PCNX1: variants seen among roughly 807,000 people sequenced by gnomAD.
The protein encoded by PCNX1 is pecanex-like protein 1.
PCNX1 carries 78 observed loss-of-function variants against 242.2 expected under a neutral mutation model. The ratio of observed to expected loss-of-function variants is 0.32; its 90% CI spans 0.27 to 0.39. The LOEUF is 0.39. Among genes scored for constraint, PCNX1 ranks in the 10% least tolerant of loss-of-function variants. PCNX1 has a pLI of 1.00. For missense variants in PCNX1, 2,581 were observed against 2,856.5 expected, an observed-to-expected ratio of 0.90 and a Z score of 2.20; for synonymous variants, 1,024 against 1,032.9, an observed-to-expected ratio of 0.99 and a Z score of 0.17.
chr14:71,072,466 CTG>C (rs1478844960), intron 26 of PCNX1, among the ~76,000 whole-genome samples: 1 of 152,172 alleles, frequency 6.6e-6, no homozygotes, highest in Non-Finnish European at 1.5e-5. Flanking sequence ...AAAGAGCACT[CTG>C]TAGCTGTGCT....
chr14:70,933,760 G>GTT, intron 1 of PCNX1, among the ~76,000 whole-genome samples: 1 of 152,304 alleles, frequency 6.6e-6, no homozygotes, highest in East Asian at 1.9e-4. Context: ...GGCTAAATGA[G>GTT]TTAGTATACT....
chr14:71,081,793 A>C (rs1375706544), intron 28 of PCNX1, among the ~76,000 whole-genome samples: 1 of 151,784 alleles, frequency 6.6e-6, no homozygotes, highest in Non-Finnish European at 1.5e-5. Flanking sequence ...CTATTTGTTG[A>C]TCTTTTCAAA....
rs770904886 is a variant in PCNX1 at position 70,977,926 on chromosome 14, G to A, written c.1589G>A (p.Arg530His). The A allele has an allele frequency of 3.5e-5, 56 of 1,614,026 alleles. No homozygotes were observed. Among genetic ancestry groups the A allele is most frequent in the African/African-American group, 6.7e-5 (5 of 74,898 alleles). ...GCTGTTTCTGTGGATTCCAAAGTGC[G>A]TAAAGATGTTGGTGGAAAGCAAAAG... The part of the protein sequence containing the change: ...KSAVSVDSKV[R>H]KDVGGKQKEG... The change falls in exon 6 of 36, where the codon CGT becomes CAT. Residue 530 changes from arginine (R) to histidine (H), a missense_variant. Arg to His is a conservative substitution (Grantham distance 29, BLOSUM62 0). This residue lies in a region of PCNX1 where 1,204 missense variants were observed against 1,216.7 expected (regional missense o/e 0.99). Coordinates refer to ENST00000304743, the MANE Select transcript of PCNX1 (RefSeq NM_014982.3).
chr14:70,979,725 C>T (rs972290651), intron 6 of PCNX1, among the ~76,000 whole-genome samples: 1 of 151,932 alleles, frequency 6.6e-6, no homozygotes, highest in African/African-American at 2.4e-5. Flanking sequence ...TTAATTTCAC[C>T]CGAAGTATTT....
intron 2 of PCNX1, among the ~76,000 whole-genome samples, chr14:70,958,315 A>G (rs896933853): frequency 1.3e-5 from 2 of 152,252 alleles, no homozygotes; most frequent in African/African-American, 4.8e-5. Flanking sequence ...AAACAGGGAC[A>G]TTATAATTAT....
intron 5 of PCNX1, among the ~76,000 whole-genome samples, chr14:70,972,604 T>A (rs995353694): frequency 6.6e-6 from 1 of 152,176 alleles, no homozygotes; most frequent in African/African-American, 2.4e-5. Flanking sequence ...TATCGTTTGG[T>A]ACTCTTACTC....
intron 33 of PCNX1, among the ~76,000 whole-genome samples, chr14:71,107,791 A>G (rs2062664906): frequency 6.6e-6 from 1 of 152,234 alleles, no homozygotes; most frequent in Admixed American, 6.5e-5. Context: ...GAGAAATAGT[A>G]GTTATAGAGC....
chr14:71,019,277 G>C, intron 12 of PCNX1, 115 bp downstream of exon 12: 1 of 805,652 alleles, frequency 1.2e-6, no homozygotes, highest in Non-Finnish European at 1.9e-6. Flanking sequence ...TACTTTTCTT[G>C]CATGTTTACA....
chr14:71,061,312 C>G (rs2061320206), intron 26 of PCNX1, among the ~76,000 whole-genome samples: 1 of 152,130 alleles, frequency 6.6e-6, no homozygotes, highest in African/African-American at 2.4e-5. Context: ...TCTTGAATGA[C>G]CCAGCTTTTC....
Position 70,971,193 on chromosome 14 carries a change from G to A in PCNX1, c.604+2083G>A, listed in dbSNP as rs1203310833. Among the ~76,000 whole-genome samples the A allele has an allele frequency of 1.9e-4, 2 of 10,544 alleles. 1 individual carries two copies. Among genetic ancestry groups the A allele is most frequent in the African/African-American group, 7.1e-4 (2 of 2,808 alleles). The allele number at this position is 10,544 out of a possible 152,430, so 6.9% of individuals were successfully genotyped here. A position where few individuals can be genotyped will look rare whatever the true frequency, so the allele number is the denominator to read the frequency against. ...CGCTCTGTCGCCCAGGCCGGACTGC[G>A]GACTGCAGTGGCGCAATCTCGACTC... is the stretch of plus-strand genomic sequence containing the variant. On this transcript the variant is annotated intron_variant, in intron 5 of 35. Transcript: ENST00000304743.
chr14:70,909,310 G>A (rs894145975), intron 1 of PCNX1, among the ~76,000 whole-genome samples: 3 of 150,208 alleles, frequency 2.0e-5, no homozygotes, highest in Non-Finnish European at 4.4e-5. Flanking sequence ...CTTGTGGCTT[G>A]TTTTATTAGG....
chr14:70,931,089 T>C (rs1336160461), intron 1 of PCNX1, among the ~76,000 whole-genome samples: 1 of 152,206 alleles, frequency 6.6e-6, no homozygotes, highest in Admixed American at 6.5e-5. Flanking sequence ...TACTAAACCC[T>C]TCTTTCTCCC....
chr14:70,947,603 G>A (rs369644255), intron 2 of PCNX1, among the ~76,000 whole-genome samples: 286 of 152,096 alleles, frequency 1.9e-3, no homozygotes, highest in African/African-American at 6.0e-3. Context: ...TCTTAATCCC[G>A]TCTTCTTCTT....
intron 8 of PCNX1, among the ~76,000 whole-genome samples, chr14:71,006,671 A>G (rs2059677216): frequency 6.6e-6 from 1 of 152,224 alleles, no homozygotes; most frequent in African/African-American, 2.4e-5. Context: ...AGAAATAGTA[A>G]AATTGCTGTG....
chr14:70,985,291 T>A (rs2058966298), intron 6 of PCNX1, among the ~76,000 whole-genome samples: 1 of 152,242 alleles, frequency 6.6e-6, no homozygotes, highest in Non-Finnish European at 1.5e-5. Context: ...CTTGGCTCAC[T>A]GCAACCTCCG....
intron 5 of PCNX1, among the ~76,000 whole-genome samples, chr14:70,969,588 A>G (rs1199724923): frequency 6.6e-6 from 1 of 152,122 alleles, no homozygotes; most frequent in African/African-American, 2.4e-5. Flanking sequence ...GGTGCCTTGT[A>G]CTTGGGTGCT....
intron 32 of PCNX1, 71 bp downstream of exon 32, chr14:71,103,740 C>G: frequency 1.4e-6 from 2 of 1,449,094 alleles, no homozygotes; most frequent in South Asian, 2.4e-5. Context: ...GTGTGCATCA[C>G]CTGGGAAGCT....
chr14:71,074,378 C>T (rs891899168), intron 27 of PCNX1, among the ~76,000 whole-genome samples: 2 of 152,210 alleles, frequency 1.3e-5, no homozygotes, highest in African/African-American at 2.4e-5. Flanking sequence ...GGGTAAGTTG[C>T]TAGAAACACC....
chr14:70,979,313 C>T (rs989857440), intron 6 of PCNX1, among the ~76,000 whole-genome samples: 1 of 152,054 alleles, frequency 6.6e-6, no homozygotes, highest in South Asian at 2.1e-4. Context: ...CCCATAATAA[C>T]AGTGATGGTG....
Sources: allele counts gnomAD v4.1 joint callset (sites outside exome capture counted in the v4.1 genomes callset), GRCh38; gene constraint gnomAD v4.1.1; regional missense constraint gnomAD v4.1.1; transcripts MANE v1.5; gene names NCBI Gene and HGNC (gene_info 2026-07-23, HGNC 2026-07-21).